SLC22A3: variants seen among roughly 807,000 people sequenced by gnomAD.
SLC22A3 encodes EMT organic cation transporter 3.
In SLC22A3, 51 loss-of-function variants were observed where a neutral mutation model predicts 59.1. The ratio of observed to expected loss-of-function variants is 0.86; its 90% CI spans 0.69 to 1.09. The LOEUF (loss-of-function observed/expected upper bound fraction) is 1.09. SLC22A3 is among the 50% of genes least tolerant of loss of function. The probability of loss-of-function intolerance (pLI) is 0.00; values close to 1 mark genes in which losing one functional copy is unlikely to be tolerated. For missense variants in SLC22A3, 711 were observed against 726.3 expected (o/e 0.98, Z 0.24); for synonymous variants, 325 against 292.0 (o/e 1.11, Z -1.15).
chr6:160,398,384 A>G (rs439033), intron 2 of SLC22A3, among the ~76,000 whole-genome samples: 3,790 of 152,340 alleles, frequency 0.025, 141 homozygotes, highest in Middle Eastern at 0.11. Context: ...ATGCACTGTT[A>G]TGCTGAATAC....
intron 2 of SLC22A3, among the ~76,000 whole-genome samples, chr6:160,403,308 C>G (rs1321312302): frequency 6.6e-6 from 1 of 151,650 alleles, no homozygotes; most frequent in Non-Finnish European, 1.5e-5. Flanking sequence ...TGAAATGGAC[C>G]AATTCCTTGA....
Position 160,437,221 on chromosome 6 carries a change from C to A in SLC22A3, c.1288+10C>A. 1 of 1,613,566 alleles carries A rather than the reference C, an allele frequency of 6.2e-7. No homozygotes were observed. On this transcript the variant is annotated intron_variant, in intron 7 of 10. Coordinates refer to ENST00000275300, the MANE Select transcript of SLC22A3 (RefSeq NM_021977.4). ...GCGTTCTTACCAGAAGGTAATCTTACCCCACATCTGTTTGGCAGCCAAAGG... is the reference window on the plus strand; with the variant it reads ...GCGTTCTTACCAGAAGGTAATCTTAACCCACATCTGTTTGGCAGCCAAAGG...
At chr6:160,432,833 G>C (rs971896595) in intron 5 of SLC22A3, among the ~76,000 whole-genome samples, 17 of 152,142 alleles carry the variant, frequency 1.1e-4, no homozygotes, top group Admixed American at 7.2e-4. Flanking sequence ...TAAAAATACA[G>C]ACTTTGCTAT....
At chr6:160,386,486 T>C (rs193295660) in intron 1 of SLC22A3, among the ~76,000 whole-genome samples, 39 of 152,380 alleles carry the variant, frequency 2.6e-4, no homozygotes, top group African/African-American at 8.9e-4. Context: ...TTTCCCTATA[T>C]CTTTTCATAG....
intron 10 of SLC22A3, 97 bp downstream of exon 10, chr6:160,447,915 A>T: frequency 1.1e-6 from 1 of 931,008 alleles, no homozygotes; most frequent in Non-Finnish European, 1.7e-6. Context: ...ACAGGGAAAA[A>T]AATAAGAATA....
At position 160,348,835 on chromosome 6, in the gene SLC22A3, C is replaced by G; in HGVS notation, c.416C>G (p.Thr139Ser). The part of the protein sequence containing the change: ...GGWRYAQAHS[T>S]IVSEFDLVCV... ...TGGCGCTACGCCCAGGCCCACTCCA[C>G]CATCGTCAGCGAGGTAAGGGCGCCC... The change falls in exon 1 of 11, where the codon ACC becomes AGC. Residue 139 changes from threonine (T) to serine (S), a missense_variant. Transcript: ENST00000275300. 4.4e-6 allele frequency: 7 copies of G among 1,584,418 alleles called. No homozygotes were observed. The highest frequency in any genetic ancestry group is 6.0e-6 in the Non-Finnish European group (7 of 1,173,580).
intron 1 of SLC22A3, among the ~76,000 whole-genome samples, chr6:160,385,735 T>G (rs1785980942): frequency 5.3e-5 from 8 of 152,190 alleles, no homozygotes. Flanking sequence ...CATAAATCCT[T>G]GCTTACCTCC....
intron 6 of SLC22A3, 56 bp downstream of exon 6, chr6:160,436,933 T>C: frequency 1.2e-6 from 2 of 1,610,392 alleles, no homozygotes; most frequent in South Asian, 1.1e-5. Flanking sequence ...AATACATCCC[T>C]TCCTTCAAAT....
chr6:160,384,100 T>C (rs2114801183), intron 1 of SLC22A3, among the ~76,000 whole-genome samples: 1 of 152,274 alleles, frequency 6.6e-6, no homozygotes, highest in African/African-American at 2.4e-5. Context: ...CAGCTAATTC[T>C]TGTATTTTTA....
At chr6:160,401,089 T>C (rs1786763936) in intron 2 of SLC22A3, among the ~76,000 whole-genome samples, 1 of 149,482 alleles carries the variant, frequency 6.7e-6, no homozygotes, top group Admixed American at 6.7e-5. Context: ...ATATAATATA[T>C]GTGTAATAGG....
At chr6:160,393,717 C>A (rs1240127266) in intron 1 of SLC22A3, among the ~76,000 whole-genome samples, 1 of 152,096 alleles carries the variant, frequency 6.6e-6, no homozygotes, top group African/African-American at 2.4e-5. Context: ...TGCTTCTTAC[C>A]TTTGACCTTT....
chr6:160,378,246 G>GAT (rs1262940646), intron 1 of SLC22A3, among the ~76,000 whole-genome samples: 9 of 152,154 alleles, frequency 5.9e-5, no homozygotes, highest in African/African-American at 2.2e-4. Flanking sequence ...GTTTAAAAAA[G>GAT]ATACACATTA....
At chr6:160,367,963 T>A (rs1382336124) in intron 1 of SLC22A3, among the ~76,000 whole-genome samples, 1 of 152,156 alleles carries the variant, frequency 6.6e-6, no homozygotes, top group Non-Finnish European at 1.5e-5. Flanking sequence ...GTGGCCCCAC[T>A]GCCCTTCCCA....
At chr6:160,349,994 C>T (rs929860901) in intron 1 of SLC22A3, among the ~76,000 whole-genome samples, 1 of 152,108 alleles carries the variant, frequency 6.6e-6, no homozygotes, top group Non-Finnish European at 1.5e-5. Flanking sequence ...GTGAGCTTAT[C>T]TCGCTGCAGT....
chr6:160,404,885 A>C (rs1247156282), intron 2 of SLC22A3, among the ~76,000 whole-genome samples: 2 of 151,540 alleles, frequency 1.3e-5, no homozygotes, highest in African/African-American at 4.9e-5. Context: ...AAAAAAAATG[A>C]ATCTAGACAC....
chr6:160,356,641 C>T (rs1245204376), intron 1 of SLC22A3, among the ~76,000 whole-genome samples: 1 of 152,190 alleles, frequency 6.6e-6, no homozygotes, highest in Non-Finnish European at 1.5e-5. Context: ...GAGCAAACAC[C>T]ACCTACCTTC....
chr6:160,409,845 C>T (rs1443680178), intron 4 of SLC22A3, among the ~76,000 whole-genome samples: 1 of 152,050 alleles, frequency 6.6e-6, no homozygotes, highest in Non-Finnish European at 1.5e-5. Flanking sequence ...ATAAAGTAAC[C>T]AACCATATCT....
At chr6:160,411,674 T>A (rs952161992) in intron 5 of SLC22A3, among the ~76,000 whole-genome samples, 4 of 152,092 alleles carry the variant, frequency 2.6e-5, no homozygotes, top group African/African-American at 9.7e-5. Context: ...CCCAGGACTT[T>A]GAGACTGCAG....
In SLC22A3 at chr6:160,348,877, G is replaced by A. The variant is rs557653565; in HGVS notation, c.429+29G>A. The stretch of plus-strand genomic sequence containing the variant: ...AGGGCGCCCCGGCCCTTTGGAAGCC[G>A]GCGGGAGAGGACGATGCTGGCTCCC... On this transcript the variant is annotated intron_variant, in intron 1 of 10. Coordinates refer to ENST00000275300, the MANE Select transcript of SLC22A3 (RefSeq NM_021977.4). 68 of 1,550,844 alleles carry A rather than the reference G, an allele frequency of 4.4e-5. No individual in the cohort carries two copies. In the African/African-American group the frequency reaches 6.9e-4, roughly 16 times the overall value.
Sources: allele counts gnomAD v4.1 joint callset (sites outside exome capture counted in the v4.1 genomes callset), GRCh38; gene constraint gnomAD v4.1.1; transcripts MANE v1.5; gene names NCBI Gene and HGNC (gene_info 2026-07-23, HGNC 2026-07-21).